ADIPOR2: variants seen among roughly 807,000 people sequenced by gnomAD.
The protein encoded by ADIPOR2 is adiponectin receptor protein 2.
Under a neutral mutation model 40.9 loss-of-function variants are expected in ADIPOR2, and 18 were observed. The ratio of observed to expected loss-of-function variants is 0.44; its 90% confidence interval spans 0.30 to 0.65. ADIPOR2 has a LOEUF of 0.65. Among genes scored for constraint, ADIPOR2 ranks in the 30% least tolerant of loss-of-function variants. The pLI is 0.09. For missense variants in ADIPOR2, 283 were observed against 479.2 expected, an observed-to-expected ratio of 0.59 and a Z score of 3.82; for synonymous variants, 165 against 166.4, an observed-to-expected ratio of 0.99 and a Z score of 0.06.
chr12:1,694,048 A>G (rs2094632938), intron 1 of ADIPOR2, among the ~76,000 whole-genome samples: 1 of 152,346 alleles, frequency 6.6e-6, no homozygotes, highest in South Asian at 2.1e-4. Context: ...ACTATGTACT[A>G]GACAATTTCC....
intron 1 of ADIPOR2, among the ~76,000 whole-genome samples, chr12:1,723,912 G>T (rs111586697): frequency 0.012 from 1,794 of 152,154 alleles, 43 homozygotes; most frequent in African/African-American, 0.042. Context: ...ACAAATGCTG[G>T]AAGTAGTCCA....
chr12:1,760,039 C>CAAACA lies in ADIPOR2; in HGVS notation c.171+5539_171+5543dup, dbSNP rs533925899. On this transcript the variant is annotated intron_variant, in intron 2 of 7. Coordinates refer to ENST00000357103, the MANE Select transcript of ADIPOR2 (RefSeq NM_024551.3). Reference sequence around the variant, plus strand: ...AGACTCTGTCTCGGGGAAAACAAAACAAACAAAACAAAACAAAAAAAACAA... The same window carrying CAAACA: ...AGACTCTGTCTCGGGGAAAACAAAACAAACAAAACAAAACAAAACAAAAAAAACAA... Among the ~76,000 whole-genome samples, 362 of 151,384 alleles carry CAAACA rather than the reference C, an allele frequency of 2.4e-3. 2 individuals are homozygous for CAAACA. The highest frequency in any genetic ancestry group is 8.7e-3 in the African/African-American group (356 of 41,124).
chr12:1,766,421 C>G (rs1224285449), intron 2 of ADIPOR2, among the ~76,000 whole-genome samples: 1 of 152,130 alleles, frequency 6.6e-6, no homozygotes, highest in African/African-American at 2.4e-5. Context: ...CACCTGGGGC[C>G]TGAAATCTAG....
rs201960821 is a variant in ADIPOR2 at position 1,720,342 on chromosome 12, G to GC, written c.-87+29152dup. On this transcript the variant is annotated intron_variant, in intron 1 of 7. Coordinates refer to ENST00000357103, the MANE Select transcript of ADIPOR2 (RefSeq NM_024551.3). Reference sequence around the variant, plus strand: ...AGACAATTTTTCCATGGACTGGTGGGCAGGGGGTGGAGGGGATGGTTTTGG... The same window carrying GC: ...AGACAATTTTTCCATGGACTGGTGGGCCAGGGGGTGGAGGGGATGGTTTTGG... Among the ~76,000 whole-genome samples the GC allele has an allele frequency of 4.4e-3, 663 of 152,242 alleles. 25 individuals are homozygous for GC. The highest frequency in any genetic ancestry group is 1.2e-3 in the Non-Finnish European group (81 of 68,016).
intron 1 of ADIPOR2, among the ~76,000 whole-genome samples, chr12:1,701,476 A>G (rs1285106164): frequency 6.6e-6 from 1 of 152,204 alleles, no homozygotes; most frequent in Non-Finnish European, 1.5e-5. Context: ...TATATTCACA[A>G]ATCATAGTAT....
At chr12:1,721,482 C>T (rs904458504) in intron 1 of ADIPOR2, among the ~76,000 whole-genome samples, 1 of 152,166 alleles carries the variant, frequency 6.6e-6, no homozygotes, top group Non-Finnish European at 1.5e-5. Flanking sequence ...TGCCACAGTG[C>T]TGGGATTACA....
At chr12:1,763,791 C>CA (rs982690583) in intron 2 of ADIPOR2, among the ~76,000 whole-genome samples, 3 of 152,082 alleles carry the variant, frequency 2.0e-5, no homozygotes, top group Non-Finnish European at 4.4e-5. Flanking sequence ...CCAGCCTGGA[C>CA]AACATAGCGA....
At chr12:1,734,181 G>A (rs1206033557) in intron 1 of ADIPOR2, among the ~76,000 whole-genome samples, 11 of 152,094 alleles carry the variant, frequency 7.2e-5, no homozygotes, top group East Asian at 1.9e-4. Flanking sequence ...TTGAGGAATC[G>A]CCACACTGAC....
intron 2 of ADIPOR2, among the ~76,000 whole-genome samples, chr12:1,766,758 G>A (rs1253490253): frequency 2.0e-5 from 3 of 152,092 alleles, no homozygotes; most frequent in African/African-American, 7.2e-5. Context: ...CAGCCTTTAT[G>A]GTTGTCCTAC....
At chr12:1,745,146 A>C (rs2094752259) in intron 1 of ADIPOR2, among the ~76,000 whole-genome samples, 1 of 152,222 alleles carries the variant, frequency 6.6e-6, no homozygotes, top group Non-Finnish European at 1.5e-5. Flanking sequence ...TTCCTTGAGC[A>C]TTCCAAAAAG....
chr12:1,721,049 C>G (rs1035587293), intron 1 of ADIPOR2, among the ~76,000 whole-genome samples: 4 of 151,986 alleles, frequency 2.6e-5, no homozygotes, highest in African/African-American at 9.7e-5. Context: ...CTTTCCAGAC[C>G]AAACCAATGT....
In ADIPOR2 at chr12:1,767,269, C is replaced by CAA. The variant is rs61401998; in HGVS notation, c.172-5549_172-5548dup. Among the ~76,000 whole-genome samples, 107 of 87,432 alleles carry CAA rather than the reference C, an allele frequency of 1.2e-3. 2 individuals carry two copies. The highest frequency in any genetic ancestry group is 5.3e-3 in the Middle Eastern group (1 of 190). The allele number at this position is 87,432 out of a possible 152,430, so 57.4% of individuals were successfully genotyped here. ...CTGGAGGACAAGAGCAAGACTTCGTCAAAAAAAAAAAAAAAAAAAAAAAAA... is the reference window on the plus strand; with the variant it reads ...CTGGAGGACAAGAGCAAGACTTCGTCAAAAAAAAAAAAAAAAAAAAAAAAAAA... On this transcript the variant is annotated intron_variant, in intron 2 of 7. Transcript: ENST00000357103.
Position 1,734,112 on chromosome 12 carries a change from T to C in ADIPOR2, c.-86-20146T>C, listed in dbSNP as rs574608810. On this transcript the variant is annotated intron_variant, in intron 1 of 7. Transcript: ENST00000357103. ...TTATAGCAGCATGTTCTCTAATCCTTTGGGTATATACCCAGTAATGGGATG... is the reference window on the plus strand; with the variant it reads ...TTATAGCAGCATGTTCTCTAATCCTCTGGGTATATACCCAGTAATGGGATG... Among the ~76,000 whole-genome samples the C allele has an allele frequency of 2.6e-5, 4 of 152,328 alleles. No individual in the cohort carries two copies. The East Asian group carries it at 7.7e-4, about 29-fold the overall frequency.
intron 1 of ADIPOR2, among the ~76,000 whole-genome samples, chr12:1,714,078 T>G (rs1395779764): frequency 2.6e-5 from 4 of 152,110 alleles, no homozygotes; most frequent in Admixed American, 6.5e-5. Flanking sequence ...GCAGTGCACC[T>G]TCCAGTGATT....
intron 1 of ADIPOR2, among the ~76,000 whole-genome samples, chr12:1,700,336 G>A (rs1202630412): frequency 5.3e-5 from 8 of 152,146 alleles, no homozygotes. Context: ...GAACATGTAT[G>A]CCTAGTTGTA....
At chr12:1,713,144 C>A (rs2094680942) in intron 1 of ADIPOR2, among the ~76,000 whole-genome samples, 1 of 152,064 alleles carries the variant, frequency 6.6e-6, no homozygotes, top group African/African-American at 2.4e-5. Flanking sequence ...GACGTGTGAT[C>A]TGTAGGATCC....
At chr12:1,719,155 AG>A (rs1408004463) in intron 1 of ADIPOR2, among the ~76,000 whole-genome samples, 2 of 151,486 alleles carry the variant, frequency 1.3e-5, no homozygotes, top group African/African-American at 4.9e-5. Flanking sequence ...ATGCTTTTTC[AG>A]TTTTTTTTTT....
chr12:1,720,586 A>G (rs2094695970), intron 1 of ADIPOR2, among the ~76,000 whole-genome samples: 2 of 152,232 alleles, frequency 1.3e-5, no homozygotes, highest in Non-Finnish European at 2.9e-5. Flanking sequence ...CTAGATCACA[A>G]TAGGGTTCAG....
intron 1 of ADIPOR2, among the ~76,000 whole-genome samples, chr12:1,726,381 A>G (rs1229511839): frequency 2.0e-5 from 3 of 152,146 alleles, no homozygotes; most frequent in African/African-American, 4.8e-5. Flanking sequence ...TATTTTTAGT[A>G]GAGACGGGGT....
Sources: allele counts gnomAD v4.1 joint callset (sites outside exome capture counted in the v4.1 genomes callset), GRCh38; gene constraint gnomAD v4.1.1; transcripts MANE v1.5; gene names NCBI Gene and HGNC (gene_info 2026-07-23, HGNC 2026-07-21).